CTNNA3: variants seen among roughly 807,000 people sequenced by gnomAD.
CTNNA3 encodes catenin alpha 3.
CTNNA3 carries 76 observed loss-of-function variants against 95.7 expected under a neutral mutation model. The ratio of observed to expected loss-of-function variants is 0.79; its 90% CI spans 0.66 to 0.96. The LOEUF is 0.96. Ranked by LOEUF, CTNNA3 falls within the 40% of genes least tolerant of loss-of-function variation. CTNNA3 has a pLI of 0.00. For missense variants in CTNNA3, 1,191 were observed against 1,089.8 expected (o/e 1.09, Z -1.31); for synonymous variants, 431 against 374.4 (o/e 1.15, Z -1.74).
At chr10:66,388,908 G>A (rs368162621) in intron 11 of CTNNA3, among the ~76,000 whole-genome samples, 3 of 152,046 alleles carry the variant, frequency 2.0e-5, no homozygotes, top group Non-Finnish European at 2.9e-5. Context: ...TAGAATGCCC[G>A]AAAAAGAAAA....
At chr10:66,924,441 G>C (rs1846952923) in intron 7 of CTNNA3, among the ~76,000 whole-genome samples, 1 of 152,176 alleles carries the variant, frequency 6.6e-6, no homozygotes, top group Non-Finnish European at 1.5e-5. Context: ...CTACATGGCA[G>C]ATGTTATTAT....
At position 66,330,931 on chromosome 10, in the gene CTNNA3, T is replaced by TTGTA. The variant is rs1589098365; in HGVS notation, c.1732+48217_1732+48220dup. 3.3e-5 allele frequency among the ~76,000 whole-genome samples: 5 copies of TTGTA among 152,156 alleles called. No individual in the cohort carries two copies. The East Asian group carries it at 9.7e-4, about 29-fold the overall frequency. On this transcript the variant is annotated intron_variant, in intron 12 of 17. Coordinates refer to ENST00000433211, the MANE Select transcript of CTNNA3 (RefSeq NM_013266.4). ...TTTGATGGGGTGGTTTGTTTTTTGCTTGTAAATTTGAGTTCTTTGAAGATT... is the reference window on the plus strand; with the variant it reads ...TTTGATGGGGTGGTTTGTTTTTTGCTTGTATGTAAATTTGAGTTCTTTGAAGATT...
chr10:66,486,114 C>G (rs746088485), intron 11 of CTNNA3, among the ~76,000 whole-genome samples: 35 of 152,110 alleles, frequency 2.3e-4, no homozygotes, highest in Non-Finnish European at 4.6e-4. Flanking sequence ...TTAAAACTAA[C>G]ACAGGAGAAA....
chr10:67,494,440 CT>C (rs1324349559), intron 5 of CTNNA3, among the ~76,000 whole-genome samples: 27 of 152,182 alleles, frequency 1.8e-4, no homozygotes, highest in African/African-American at 6.3e-4. Context: ...TGTAAGGTTT[CT>C]TTTGTAGGCC....
At chr10:66,331,515 G>A (rs377684618) in intron 12 of CTNNA3, among the ~76,000 whole-genome samples, 56 of 151,268 alleles carry the variant, frequency 3.7e-4, no homozygotes, top group Admixed American at 1.4e-3. Context: ...CACCATGCCC[G>A]GCTAATTTTT....
chr10:66,969,515 A>G (rs972977972), intron 7 of CTNNA3, among the ~76,000 whole-genome samples: 3 of 152,116 alleles, frequency 2.0e-5, no homozygotes, highest in African/African-American at 7.2e-5. Context: ...TTTCCTCGGG[A>G]TACATTTTTA....
intron 11 of CTNNA3, among the ~76,000 whole-genome samples, chr10:66,381,629 T>G (rs1308134225): frequency 1.3e-5 from 2 of 152,172 alleles, no homozygotes; most frequent in Non-Finnish European, 2.9e-5. Context: ...TGAACCTAAG[T>G]GAACACATAT....
chr10:66,205,261 T>C (rs2087685552), intron 13 of CTNNA3, among the ~76,000 whole-genome samples: 1 of 152,000 alleles, frequency 6.6e-6, no homozygotes, highest in Admixed American at 6.6e-5. Context: ...ATTGAAACAA[T>C]GTATGATGAC....
intron 5 of CTNNA3, among the ~76,000 whole-genome samples, chr10:67,233,975 C>T (rs1260369181): frequency 6.6e-6 from 1 of 152,176 alleles, no homozygotes; most frequent in African/African-American, 2.4e-5. Context: ...GAAGTTGAAT[C>T]TCTGAATAGG....
intron 7 of CTNNA3, among the ~76,000 whole-genome samples, chr10:67,087,614 C>G (rs1857377878): frequency 6.6e-6 from 1 of 151,812 alleles, no homozygotes; most frequent in Admixed American, 6.6e-5. Context: ...TAAAGTGGAT[C>G]TCAAACATCA....
chr10:67,503,912 C>T (rs925025022), intron 5 of CTNNA3, among the ~76,000 whole-genome samples: 4 of 152,156 alleles, frequency 2.6e-5, no homozygotes, highest in Admixed American at 1.3e-4. Flanking sequence ...AATCCCAGCA[C>T]TTTGGGAGGC....
chr10:66,066,844 A>T (rs1250960511), intron 15 of CTNNA3, among the ~76,000 whole-genome samples: 1 of 152,188 alleles, frequency 6.6e-6, no homozygotes, highest in Non-Finnish European at 1.5e-5. Flanking sequence ...CATATACATA[A>T]TAGATTATAA....
rs2077063492 is a variant in CTNNA3 at position 65,920,370 on chromosome 10, AATGGATGG to A, written c.2640_2647del (p.His881AlafsTer5). ...TCCTCTAAATTCACTCATGACTTGC[AATGGATGG>A]ATTTTTTTCTTTGCTGAGCCTCGTC... On this transcript the variant is annotated frameshift_variant, in exon 18 of 18. Coordinates refer to ENST00000433211, the MANE Select transcript of CTNNA3 (RefSeq NM_013266.4). LOFTEE classifies it high-confidence loss of function. The A allele has an allele frequency of 6.2e-7, 1 of 1,613,882 alleles. No individual in the cohort carries two copies. The highest frequency in any genetic ancestry group is 2.2e-5 in the East Asian group (1 of 44,892).
intron 10 of CTNNA3, among the ~76,000 whole-genome samples, chr10:66,606,186 A>G (rs970179684): frequency 2.6e-5 from 4 of 152,212 alleles, no homozygotes; most frequent in African/African-American, 7.2e-5. Context: ...AGGACATTAT[A>G]TAACAGTAAA....
chr10:66,005,123 T>G (rs2078853973), intron 15 of CTNNA3, among the ~76,000 whole-genome samples: 1 of 152,180 alleles, frequency 6.6e-6, no homozygotes, highest in South Asian at 2.1e-4. Flanking sequence ...AAAGGTATGC[T>G]TCTGTTATCA....
At chr10:67,066,571 T>A (rs1405227403) in intron 7 of CTNNA3, among the ~76,000 whole-genome samples, 1 of 150,438 alleles carries the variant, frequency 6.6e-6, no homozygotes, top group African/African-American at 2.4e-5. Flanking sequence ...ACACCAACCA[T>A]TACAGAAGCC....
chr10:66,734,664 C>A (rs184294441), intron 9 of CTNNA3, among the ~76,000 whole-genome samples: 2,252 of 152,104 alleles, frequency 0.015, 45 homozygotes, highest in African/African-American at 0.052. Flanking sequence ...GAGTTCGAGA[C>A]CAGCCTGGCC....
chr10:66,761,888 AT>A lies in CTNNA3; in HGVS notation c.1281+4375del, dbSNP rs371971517. On this transcript the variant is annotated intron_variant, in intron 9 of 17. Transcript: ENST00000433211. ...TGTGAATAATTAATTTTAAGTACTT[AT>A]ATGCAGTAGAGTAGGGAGCTTCTCT... 3.0e-4 allele frequency among the ~76,000 whole-genome samples: 46 copies of A among 152,302 alleles called. 1 individual carries two copies. The South Asian group carries it at 9.3e-3, about 31-fold the overall frequency.
chr10:66,986,791 T>C (rs1161901732), intron 7 of CTNNA3, among the ~76,000 whole-genome samples: 3 of 152,118 alleles, frequency 2.0e-5, no homozygotes, highest in Admixed American at 6.6e-5. Context: ...AAATAACACA[T>C]ATGATAGTCA....
Sources: gnomAD v4.1 joint callset for allele counts (sites outside exome capture counted in the v4.1 genomes callset) on GRCh38, gnomAD v4.1.1 for gene constraint, MANE v1.5 for transcripts, NCBI Gene and HGNC (gene_info 2026-07-23, HGNC 2026-07-21) for gene names.